RPH3AL: variants seen among roughly 807,000 people sequenced by gnomAD.
The protein encoded by RPH3AL is rabphilin 3A like (without C2 domains), also known as rab effector Noc2.
In RPH3AL, 38 loss-of-function variants were observed where a neutral mutation model predicts 43.1. The observed-to-expected ratio is 0.88, with a 90% confidence interval of 0.68 to 1.15. The LOEUF (loss-of-function observed/expected upper bound fraction) is 1.15, where lower values mean the gene tolerates loss of function less well. Ranked by LOEUF, RPH3AL falls within the 50% of genes most tolerant of loss-of-function variation. RPH3AL has a pLI of 0.00. For missense variants in RPH3AL, 462 were observed against 423.2 expected (o/e 1.09, Z -0.81); for synonymous variants, 189 against 176.3 (o/e 1.07, Z -0.57).
intron 7 of RPH3AL, among the ~76,000 whole-genome samples, chr17:236,962 C>T (rs1337874706): frequency 1.3e-5 from 2 of 152,252 alleles, no homozygotes; most frequent in African/African-American, 2.4e-5. Context: ...CATCCATCAT[C>T]GACAGTCCAT....
chr17:255,964 T>A (rs868960859), intron 6 of RPH3AL, among the ~76,000 whole-genome samples: 2 of 44,646 alleles, frequency 4.5e-5, no homozygotes, highest in African/African-American at 7.3e-5. Flanking sequence ...ATGACTACCC[T>A]ACGTACTTCC....
chr17:315,598 A>ATTGACCTGTAGTCCCTGTGCTCCC (rs2044002661), intron 5 of RPH3AL, among the ~76,000 whole-genome samples: 1 of 120,586 alleles, frequency 8.3e-6, no homozygotes, highest in African/African-American at 3.2e-5. Context: ...CCTGTGCTCC[A>ATTGACCTGTAGTCCCTGTGCTCCC]CCTCCACTGA....
chr17:269,756 T>A (rs2042417958), intron 6 of RPH3AL, among the ~76,000 whole-genome samples: 1 of 152,216 alleles, frequency 6.6e-6, no homozygotes. Context: ...GGTGTGCCTG[T>A]GTGTGAACGA....
At chr17:299,622 G>T (rs562301392) in intron 5 of RPH3AL, among the ~76,000 whole-genome samples, 1 of 152,330 alleles carries the variant, frequency 6.6e-6, no homozygotes, top group East Asian at 1.9e-4. Flanking sequence ...ATGTCCCAGC[G>T]GGAAGCACAG....
intron 6 of RPH3AL, among the ~76,000 whole-genome samples, chr17:262,500 C>T (rs58654395): frequency 0.05 from 7,666 of 152,106 alleles, 344 homozygotes; most frequent in African/African-American, 0.12. Context: ...AGGCGTGAGC[C>T]ACCGCACCCG....
chr17:291,395 T>C (rs898754115), intron 5 of RPH3AL, among the ~76,000 whole-genome samples: 3 of 151,944 alleles, frequency 2.0e-5, no homozygotes, highest in Non-Finnish European at 4.4e-5. Context: ...TTTTAAAAAA[T>C]AATAAAATAA....
intron 6 of RPH3AL, among the ~76,000 whole-genome samples, chr17:261,056 C>A (rs944579450): frequency 6.6e-6 from 1 of 152,212 alleles, no homozygotes; most frequent in Non-Finnish European, 1.5e-5. Context: ...CCCATGATGG[C>A]GGGAGCCAGG....
In RPH3AL at chr17:237,048, G is replaced by A. The variant is rs553269481; in HGVS notation, c.613+10063C>T. Among the ~76,000 whole-genome samples, 10 of 152,260 alleles carry A rather than the reference G, an allele frequency of 6.6e-5. No individual in the cohort carries two copies. The East Asian group carries it at 1.7e-3, about 27-fold the overall frequency. ...GCGGCCATGAGTCACAGAGCGCTGGGGCTAGTACAGCTCGGAGGGACTCAG... is the reference window on the plus strand; with the variant it reads ...GCGGCCATGAGTCACAGAGCGCTGGAGCTAGTACAGCTCGGAGGGACTCAG... On this transcript the variant is annotated intron_variant, in intron 7 of 9. Transcript: ENST00000331302.
intron 7 of RPH3AL, among the ~76,000 whole-genome samples, chr17:240,870 C>T (rs868793637): frequency 2.4e-4 from 36 of 151,930 alleles, no homozygotes; most frequent in Middle Eastern, 3.4e-3. Flanking sequence ...CCAGCCTGGC[C>T]AACACGGTGA....
chr17:230,381 C>T (rs562864120), intron 7 of RPH3AL, among the ~76,000 whole-genome samples: 1 of 152,282 alleles, frequency 6.6e-6, no homozygotes, highest in East Asian at 1.9e-4. Context: ...AGATCGGCTC[C>T]CTCCAGAGAG....
chr17:276,788 C>G (rs547658842), intron 6 of RPH3AL, among the ~76,000 whole-genome samples: 1 of 152,174 alleles, frequency 6.6e-6, no homozygotes, highest in Non-Finnish European at 1.5e-5. Context: ...TACCAATTCT[C>G]CAAGCTGTTA....
chr17:332,913 A>T, intron 2 of RPH3AL: 1 of 861,214 alleles, frequency 1.2e-6, no homozygotes, highest in African/African-American at 1.7e-5. Context: ...CCCGCAGTAC[A>T]GGGACTAGGA....
At chr17:247,745 G>C (rs2151545874) in intron 6 of RPH3AL, 1 of 158,662 alleles carries the variant, frequency 6.3e-6, no homozygotes, top group East Asian at 1.9e-4. Flanking sequence ...ACCGTCCTCT[G>C]TTACCGTCTG....
At chr17:268,557 T>TTG (rs1443497042) in intron 6 of RPH3AL, among the ~76,000 whole-genome samples, 3 of 126,986 alleles carry the variant, frequency 2.4e-5, no homozygotes, top group African/African-American at 8.9e-5. Flanking sequence ...TTTTGGGTTT[T>TTG]TTTTTTTTTT....
intron 3 of RPH3AL, among the ~76,000 whole-genome samples, chr17:324,362 G>A (rs115943888): frequency 6.6e-5 from 10 of 152,274 alleles, no homozygotes; most frequent in African/African-American, 1.7e-4. Context: ...GCCCGCCTGC[G>A]GCCATAGCTC....
At chr17:292,537 T>G (rs1168726771) in intron 5 of RPH3AL, among the ~76,000 whole-genome samples, 2 of 152,198 alleles carry the variant, frequency 1.3e-5, no homozygotes, top group African/African-American at 4.8e-5. Flanking sequence ...GACTTGAGGT[T>G]AAGCAGCTCG....
intron 5 of RPH3AL, among the ~76,000 whole-genome samples, chr17:309,523 G>GCCCCA (rs2043586207): frequency 8.5e-6 from 1 of 117,984 alleles, no homozygotes; most frequent in Admixed American, 9.4e-5. Flanking sequence ...GCCCTGCCCA[G>GCCCCA]GGCTCCTGCC....
At chr17:227,134 A>G (rs2041125242) in intron 7 of RPH3AL, among the ~76,000 whole-genome samples, 1 of 152,122 alleles carries the variant, frequency 6.6e-6, no homozygotes, top group South Asian at 2.1e-4. Flanking sequence ...GGGACCTGGC[A>G]TCCCTGAGGC....
rs538051999 is a variant in RPH3AL at position 322,733 on chromosome 17, C to T, written c.78-1318G>A. ...GGGCCCCCTGACACAAGATGGGCCC[C>T]GGTGGTCTCATGTCCTGCCTGGTCC... On this transcript the variant is annotated intron_variant, in intron 3 of 9. Transcript: ENST00000331302. This position sits in a 1 kb window ranked among gnomAD's most constrained non-coding sequence, Gnocchi z 4.0. Among the ~76,000 whole-genome samples the T allele has an allele frequency of 1.3e-5, 2 of 152,126 alleles. No individual in the cohort carries two copies. The highest frequency in any genetic ancestry group is 2.1e-4 in the South Asian group (1 of 4,800).
Sources: allele counts gnomAD v4.1 joint callset (sites outside exome capture counted in the v4.1 genomes callset), GRCh38; gene constraint gnomAD v4.1.1; non-coding constraint Gnocchi (gnomAD v3.1); transcripts MANE v1.5; gene names NCBI Gene and HGNC (gene_info 2026-07-23, HGNC 2026-07-21).